Variants in GTSE1 observed in about 807,000 individuals in gnomAD.
GTSE1 encodes the protein G2 and S phase-expressed protein 1.
GTSE1 carries 52 observed loss-of-function variants against 60.5 expected under a neutral mutation model. The ratio of observed to expected loss-of-function variants is 0.86; its 90% confidence interval spans 0.69 to 1.08. GTSE1 has a LOEUF of 1.08. Among genes scored for constraint, GTSE1 ranks in the 50% least tolerant of loss-of-function variants. GTSE1 has a pLI of 0.00. For missense variants in GTSE1, 937 were observed against 961.8 expected, an observed-to-expected ratio of 0.97 and a Z score of 0.34; for synonymous variants, 368 against 386.5, an observed-to-expected ratio of 0.95 and a Z score of 0.56.
chr22:46,320,994 GGA>G lies in GTSE1; in HGVS notation c.1433-2190_1433-2189del, dbSNP rs778799980. On this transcript the variant is annotated intron_variant, in intron 7 of 11. Transcript: ENST00000454366. The surrounding 1 kb of genome is among the most constrained non-coding windows in gnomAD (Gnocchi z 7.1). ...GGACAACCGAGAGGAAGGGGTCTCG[GGA>G]GAGAGGGAGCCAACACGGGAGGCGG... Among the ~76,000 whole-genome samples, 9 of 152,044 alleles carry G rather than the reference GGA, an allele frequency of 5.9e-5. No individual in the cohort carries two copies. The highest frequency in any genetic ancestry group is 1.0e-4 in the Non-Finnish European group (7 of 68,010).
Position 46,316,419 on chromosome 22 carries a change from A to G in GTSE1, c.1432+7A>G. 6.8e-7 allele frequency: 1 copy of G among 1,471,416 alleles called. No homozygotes were observed. 91.1% of individuals were successfully genotyped at this position (1,471,416 alleles called of 1,614,324 possible). ...ATTCCTAAGTTTTCTATTGGTGAGT[A>G]ATAGATACATTTTAATGTGTCTTTA... On this transcript the variant is annotated splice_region_variant and intron_variant, in intron 7 of 11. Coordinates refer to ENST00000454366, the MANE Select transcript of GTSE1 (RefSeq NM_016426.7). The surrounding 1 kb of genome is among the most constrained non-coding windows in gnomAD (Gnocchi z 5.0).
At chr22:46,298,916 C>T (rs2077673610) in intron 2 of GTSE1, among the ~76,000 whole-genome samples, 1 of 152,220 alleles carries the variant, frequency 6.6e-6, no homozygotes, top group African/African-American at 2.4e-5. Context: ...CGTTGCCTCT[C>T]CATTGCTGTG....
chr22:46,305,166 A>T (rs545142832), intron 2 of GTSE1, among the ~76,000 whole-genome samples: 5 of 152,276 alleles, frequency 3.3e-5, no homozygotes, highest in African/African-American at 1.2e-4. Flanking sequence ...TAATGTTTTG[A>T]TACAATTATC....
rs201142261 is a variant in GTSE1, at chr22:46,326,614, C to T, written c.1684C>T (p.Arg562Trp). The change falls in exon 9 of 12, where the codon CGG (arginine) becomes TGG (tryptophan). Residue 562 changes from arginine to tryptophan, a missense_variant. Arg to Trp is a moderately radical substitution (Grantham distance 101). Coordinates refer to ENST00000454366, the MANE Select transcript of GTSE1 (RefSeq NM_016426.7). ...AVGSPLCVPA[R>W]RRSSEPRKNS... ...GGGCTCTCCCCTGTGTGTGCCAGCT[C>T]GGAGACGTTCCTCTGAGCCCCGCAA... is the stretch of plus-strand genomic sequence containing the variant. 488 of 1,613,046 alleles carry T rather than the reference C, an allele frequency of 3.0e-4. 1 individual carries two copies. Among genetic ancestry groups the T allele is most frequent in the Non-Finnish European group, 3.8e-4 (453 of 1,179,516 alleles).
At chr22:46,312,347 T>A (rs1238040851) in intron 5 of GTSE1, 42 bp downstream of exon 5, 1 of 1,573,862 alleles carries the variant, frequency 6.4e-7, no homozygotes, top group East Asian at 2.2e-5. Context: ...TTGCTGGGAA[T>A]GAGGTGGCAG....
chr22:46,302,600 G>GT, intron 2 of GTSE1, among the ~76,000 whole-genome samples: 1 of 152,018 alleles, frequency 6.6e-6, no homozygotes, highest in Non-Finnish European at 1.5e-5. Context: ...AGGCTCAAGC[G>GT]TTCCTCCCAC....
At chr22:46,308,247 C>T in intron 3 of GTSE1, 40 bp downstream of exon 3, 1 of 1,604,404 alleles carries the variant, frequency 6.2e-7, no homozygotes, top group South Asian at 1.1e-5. Flanking sequence ...TGGGCATAAC[C>T]ACATTCAGTA....
chr22:46,311,818 A>C (rs983519185), intron 4 of GTSE1, among the ~76,000 whole-genome samples: 3 of 152,326 alleles, frequency 2.0e-5, no homozygotes, highest in African/African-American at 7.2e-5. Flanking sequence ...GTGTAACTAG[A>C]CCAGCTTTCT....
Position 46,318,467 on chromosome 22 carries a change from T to C in GTSE1, c.1432+2055T>C, listed in dbSNP as rs1028695001. On this transcript the variant is annotated intron_variant, in intron 7 of 11. Transcript: ENST00000454366. The surrounding 1 kb of genome is among the most constrained non-coding windows in gnomAD (Gnocchi z 4.8). ...AGAATTTCTGTTTAATAGGAAAAGA[T>C]ACGAAATGTTATCAGATGAGCAGGC... Among the ~76,000 whole-genome samples the C allele has an allele frequency of 6.6e-6, 1 of 152,162 alleles. No homozygotes were observed. The highest frequency in any genetic ancestry group is 2.4e-5 in the African/African-American group (1 of 41,432).
chr22:46,328,945 G>A lies in GTSE1; in HGVS notation c.1926+56G>A, dbSNP rs552510890. ...TAGCTGAGATTCCTGGAGGCTGCTC[G>A]GGAAGCCCGTGGAACCCAGGGCTGT... is the stretch of plus-strand genomic sequence containing the variant. On this transcript the variant is annotated intron_variant, in intron 10 of 11. Transcript: ENST00000454366. 323 of 1,411,448 alleles carry A rather than the reference G, an allele frequency of 2.3e-4. 1 individual carries two copies. The highest frequency in any genetic ancestry group is 1.6e-3 in the Admixed American group (96 of 58,850). The allele number at this position is 1,411,448 out of a possible 1,614,324, so 87.4% of individuals were successfully genotyped here. A position where few individuals can be genotyped will look rare whatever the true frequency, so the allele number is the denominator to read the frequency against.
Position 46,316,225 on chromosome 22 carries a change from A to G in GTSE1, c.1245A>G (p.Ser415=). 1 of 1,613,586 alleles carries G rather than the reference A, an allele frequency of 6.2e-7. No homozygotes were observed. The highest frequency in any genetic ancestry group is 8.5e-7 in the Non-Finnish European group (1 of 1,179,950). ...CGGAGCAGCTCACGGCACCCCCCTCAGCATCCCCCACCCAACCCCAGACTC... is the reference window on the plus strand; with the variant it reads ...CGGAGCAGCTCACGGCACCCCCCTCGGCATCCCCCACCCAACCCCAGACTC... ...LAAEQLTAPP[S]ASPTQPQTPE... The change falls in exon 7 of 12, where the codon TCA becomes TCG. Residue 415 remains serine, a synonymous_variant. Coordinates refer to ENST00000454366, the MANE Select transcript of GTSE1 (RefSeq NM_016426.7). This position sits in a 1 kb window ranked among gnomAD's most constrained non-coding sequence, Gnocchi z 5.0.
Position 46,304,815 on chromosome 22 carries a change from C to T in GTSE1, c.80-3335C>T, listed in dbSNP as rs1333631267. Among the ~76,000 whole-genome samples, 2 of 152,018 alleles carry T rather than the reference C, an allele frequency of 1.3e-5. No individual in the cohort carries two copies. The highest frequency in any genetic ancestry group is 2.9e-5 in the Non-Finnish European group (2 of 68,012). ...GCAACATGAGGAGATCCCATCTCTA[C>T]AAAAAATACAAATATTAGCCAGGGA... is the stretch of plus-strand genomic sequence containing the variant. On this transcript the variant is annotated intron_variant, in intron 2 of 11. Transcript: ENST00000454366. This position sits in a 1 kb window ranked among gnomAD's most constrained non-coding sequence, Gnocchi z 4.4.
intron 9 of GTSE1, chr22:46,327,180 GGACA>G (rs1309804321): frequency 6.6e-6 from 1 of 151,312 alleles, no homozygotes; most frequent in Non-Finnish European, 1.5e-5. Flanking sequence ...CCAGCCTGGG[GGACA>G]GAGTGAGACC....
intron 2 of GTSE1, among the ~76,000 whole-genome samples, chr22:46,302,580 T>C (rs2077695320): frequency 6.6e-6 from 1 of 152,128 alleles, no homozygotes; most frequent in Non-Finnish European, 1.5e-5. Flanking sequence ...TAGGCTGGTC[T>C]CAAACTCCTA....
In GTSE1 at chr22:46,329,262, G is replaced by A. The variant is rs1052057447; in HGVS notation, c.1927-96G>A. The stretch of plus-strand genomic sequence containing the variant: ...GCCTGATTCCTTGGCTTTCCAAACC[G>A]CCAGCCCACCTGGAACATGAGCAAA... On this transcript the variant is annotated intron_variant, in intron 10 of 11. Coordinates refer to ENST00000454366, the MANE Select transcript of GTSE1 (RefSeq NM_016426.7). The surrounding 1 kb of genome is among the most constrained non-coding windows in gnomAD (Gnocchi z 6.4). The A allele has an allele frequency of 2.9e-5, 31 of 1,060,164 alleles. No homozygotes were observed. The highest frequency in any genetic ancestry group is 3.1e-5 in the African/African-American group (2 of 64,266). The allele number at this position is 1,060,164 out of a possible 1,614,324, so 65.7% of individuals were successfully genotyped here.
rs1240146478 is a variant in GTSE1 at position 46,324,960 on chromosome 22, T to C, written c.1506-1476T>C. 6.6e-6 allele frequency among the ~76,000 whole-genome samples: 1 copy of C among 152,248 alleles called. No individual in the cohort carries two copies. The highest frequency in any genetic ancestry group is 1.5e-5 in the Non-Finnish European group (1 of 68,044). ...AGGGGCCATGGTGGTGGGATGTCCT[T>C]GACTCATTTTATTTTAAAATAATGT... is the stretch of plus-strand genomic sequence containing the variant. On this transcript the variant is annotated intron_variant, in intron 8 of 11. Coordinates refer to ENST00000454366, the MANE Select transcript of GTSE1 (RefSeq NM_016426.7). This position sits in a 1 kb window ranked among gnomAD's most constrained non-coding sequence, Gnocchi z 5.2.
Position 46,320,951 on chromosome 22 carries a change from C to T in GTSE1, c.1433-2239C>T, listed in dbSNP as rs1336337383. 1.3e-5 allele frequency among the ~76,000 whole-genome samples: 2 copies of T among 151,880 alleles called. No homozygotes were observed. Among genetic ancestry groups the T allele is most frequent in the Non-Finnish European group, 2.9e-5 (2 of 67,984 alleles). ...CATGGAAGCTGCTGAAGAGTGCGCTCCACCCAGCTGAGGGAGAGGACAACC... is the reference window on the plus strand; with the variant it reads ...CATGGAAGCTGCTGAAGAGTGCGCTTCACCCAGCTGAGGGAGAGGACAACC... On this transcript the variant is annotated intron_variant, in intron 7 of 11. Coordinates refer to ENST00000454366, the MANE Select transcript of GTSE1 (RefSeq NM_016426.7). This position sits in a 1 kb window ranked among gnomAD's most constrained non-coding sequence, Gnocchi z 7.1.
In GTSE1 at chr22:46,323,189, G is replaced by T. The variant is rs2077823681; in HGVS notation, c.1433-1G>T. On this transcript the variant is annotated splice_acceptor_variant, in intron 7 of 11. Coordinates refer to ENST00000454366, the MANE Select transcript of GTSE1 (RefSeq NM_016426.7). LOFTEE classifies it high-confidence loss of function. ...CCGCACACTTCCTTTCTTGGACTTAGGTGACTCCCCGGACAGCTCAACACC... is the reference window on the plus strand; with the variant it reads ...CCGCACACTTCCTTTCTTGGACTTATGTGACTCCCCGGACAGCTCAACACC... 1.2e-6 allele frequency: 2 copies of T among 1,611,656 alleles called. No homozygotes were observed. The highest frequency in any genetic ancestry group is 1.7e-6 in the Non-Finnish European group (2 of 1,177,704).
intron 9 of GTSE1, among the ~76,000 whole-genome samples, chr22:46,328,341 G>A (rs1254585719): frequency 2.0e-5 from 3 of 152,236 alleles, no homozygotes; most frequent in African/African-American, 4.8e-5. Context: ...AGCTGCATGC[G>A]AGGAGGAGCT....
Sources: gnomAD v4.1 joint callset for allele counts (sites outside exome capture counted in the v4.1 genomes callset) on GRCh38, gnomAD v4.1.1 for gene constraint, Gnocchi (gnomAD v3.1) non-coding constraint, MANE v1.5 for transcripts, NCBI Gene and HGNC (gene_info 2026-07-23, HGNC 2026-07-21) for gene names.